SPATA13: variants seen among roughly 807,000 people sequenced by gnomAD.
SPATA13 encodes spermatogenesis-associated protein 13.
Under a neutral mutation model 104.0 loss-of-function variants are expected in SPATA13, and 50 were observed. That is an observed-to-expected ratio of 0.48 (90% CI 0.38 to 0.61). The LOEUF (loss-of-function observed/expected upper bound fraction) is 0.61, where lower values mean the gene tolerates loss of function less well. Among genes scored for constraint, SPATA13 ranks in the 20% least tolerant of loss-of-function variants. The pLI is 0.00. For missense variants in SPATA13, 1,524 were observed against 1,690.6 expected (o/e 0.90, Z 1.73); for synonymous variants, 606 against 667.5 (o/e 0.91, Z 1.42).
At chr13:24,204,454 T>C (rs1318365) in intron 1 of SPATA13, among the ~76,000 whole-genome samples, 142,364 of 152,168 alleles carry the variant, frequency 0.94, 67,394 homozygotes, top group East Asian at 1. Context: ...GTAACATTGA[T>C]GACGACTTTA....
intron 3 of SPATA13, 110 bp from the exon 4 acceptor site, chr13:24,251,608 C>G: frequency 6.6e-7 from 1 of 1,523,824 alleles, no homozygotes; most frequent in Non-Finnish European, 8.8e-7. Flanking sequence ...ATTGGAGAAA[C>G]CATTTCACGT....
chr13:24,273,661 GAT>G (rs1241168157), intron 4 of SPATA13, among the ~76,000 whole-genome samples: 1 of 152,160 alleles, frequency 6.6e-6, no homozygotes, highest in Non-Finnish European at 1.5e-5. Context: ...TAAAGGGACA[GAT>G]ATAAACTTAA....
At chr13:24,231,419 G>A (rs1872267420) in intron 2 of SPATA13, among the ~76,000 whole-genome samples, 1 of 152,208 alleles carries the variant, frequency 6.6e-6, no homozygotes, top group Non-Finnish European at 1.5e-5. Context: ...TGTCCATAGA[G>A]CATGATCAGT....
At chr13:24,254,815 C>T (rs1173641149) in intron 4 of SPATA13, among the ~76,000 whole-genome samples, 1 of 118,082 alleles carries the variant, frequency 8.5e-6, no homozygotes, top group East Asian at 3.4e-4. Flanking sequence ...TTCTTGCTTG[C>T]TTCTTTTTTT....
intron 1 of SPATA13, among the ~76,000 whole-genome samples, chr13:24,184,743 C>T (rs1340494306): frequency 2.0e-5 from 3 of 152,112 alleles, no homozygotes; most frequent in Admixed American, 2.0e-4. Context: ...AATATAAAAT[C>T]GTGTCCACCA....
At position 24,080,322 on chromosome 13, in the gene SPATA13, C is replaced by T. The variant is rs563225750; in HGVS notation, c.-112+62621C>T. Among the ~76,000 whole-genome samples, 3 of 152,336 alleles carry T rather than the reference C, an allele frequency of 2.0e-5. No individual in the cohort carries two copies. The South Asian group carries it at 6.2e-4, about 32-fold the overall frequency. On this transcript the variant is annotated intron_variant, in intron 3 of 14. Transcript: ENST00000424834. The stretch of plus-strand genomic sequence containing the variant: ...ACATCACAGCAAGTGGGAACATTCC[C>T]TGCTATGGAATGAATGGGCTGTGAA...
rs186742732 is a variant in SPATA13, at chr13:24,124,567, T to C, written c.-111-98252T>C. Among the ~76,000 whole-genome samples the C allele has an allele frequency of 6.9e-3, 1,048 of 152,288 alleles. 8 individuals are homozygous for C. The highest frequency in any genetic ancestry group is 0.019 in the African/African-American group (782 of 41,552). ...CTGGTGAGAATGGCAGTCCTGGAGG[T>C]GAATTTAGTCATAGTCCATCAAACA... On this transcript the variant is annotated intron_variant, in intron 3 of 14. Coordinates refer to the SPATA13 transcript ENST00000424834.
intron 3 of SPATA13, among the ~76,000 whole-genome samples, chr13:24,126,290 G>A (rs1566113287): frequency 6.6e-6 from 1 of 152,122 alleles, no homozygotes; most frequent in Non-Finnish European, 1.5e-5. Context: ...TACAGCCTAA[G>A]GCCAATGAAA....
chr13:24,141,831 A>G (rs974507653), intron 3 of SPATA13, among the ~76,000 whole-genome samples: 4 of 151,972 alleles, frequency 2.6e-5, no homozygotes, highest in African/African-American at 9.7e-5. Flanking sequence ...CTTCAAGGGT[A>G]ATAATGTGCT....
At chr13:24,282,708 A>G (rs989080689) in intron 4 of SPATA13, among the ~76,000 whole-genome samples, 17 of 152,064 alleles carry the variant, frequency 1.1e-4, no homozygotes, top group Non-Finnish European at 2.5e-4. Context: ...CCCAGCCCTC[A>G]TCGTGCGGGA....
At chr13:24,097,603 A>G (rs1880123611) in intron 3 of SPATA13, among the ~76,000 whole-genome samples, 1 of 152,228 alleles carries the variant, frequency 6.6e-6, no homozygotes, top group Non-Finnish European at 1.5e-5. Context: ...CGACACTTAC[A>G]GCAAAACTAG....
chr13:24,228,737 G>C (rs1872092329), intron 2 of SPATA13, among the ~76,000 whole-genome samples: 1 of 151,972 alleles, frequency 6.6e-6, no homozygotes, highest in Non-Finnish European at 1.5e-5. Flanking sequence ...TTAACAGTAA[G>C]GTTCTACTTA....
rs180940563 is a variant in SPATA13, at chr13:24,305,512, G to A, written c.*2739G>A. ...TGCCTGAGTTCTTCAAGAATGGAAG[G>A]CTCAAGTATTCTCATCTTCCATTTG... On this transcript the variant is annotated 3_prime_UTR_variant, in exon 13 of 13. Transcript: ENST00000382108. 2 of 152,310 alleles carry A rather than the reference G, an allele frequency of 1.3e-5. No homozygotes were observed. Among genetic ancestry groups the A allele is most frequent in the East Asian group, 3.9e-4 (2 of 5,186 alleles). The allele number at this position is 152,310 out of a possible 1,614,324, so 9.4% of individuals were successfully genotyped here. A position where few individuals can be genotyped will look rare whatever the true frequency, so the allele number is the denominator to read the frequency against.
At chr13:24,049,154 C>G (rs1473098612) in intron 3 of SPATA13, among the ~76,000 whole-genome samples, 1 of 152,176 alleles carries the variant, frequency 6.6e-6, no homozygotes, top group Non-Finnish European at 1.5e-5. Flanking sequence ...TGTTTTATCT[C>G]CTTTGCTGTA....
intron 3 of SPATA13, among the ~76,000 whole-genome samples, chr13:24,094,784 G>A (rs529925836): frequency 5.8e-4 from 89 of 152,158 alleles, no homozygotes; most frequent in Middle Eastern, 3.4e-3. Context: ...AAATTAATAT[G>A]TAAAATATTT....
At chr13:24,302,073 C>T (rs1198273478) in intron 12 of SPATA13, among the ~76,000 whole-genome samples, 3 of 152,160 alleles carry the variant, frequency 2.0e-5, no homozygotes, top group Admixed American at 2.0e-4. Context: ...TATTGCTACT[C>T]ACCTTGACTG....
At chr13:24,196,688 A>G (rs578152723) in intron 1 of SPATA13, among the ~76,000 whole-genome samples, 97 of 152,328 alleles carry the variant, frequency 6.4e-4, no homozygotes, top group African/African-American at 2.2e-3. Context: ...GTGAGCTGTG[A>G]TTATTGCACC....
upstream of SPATA13, among the ~76,000 whole-genome samples, chr13:24,157,839 T>C (rs192728308): frequency 2.0e-3 from 307 of 152,230 alleles, 2 homozygotes; most frequent in African/African-American, 7.1e-3. Context: ...GAGCATGAGA[T>C]CAAATCCTGG....
chr13:24,245,584 CTTTTTTTTTT>C (rs61316306), intron 2 of SPATA13, among the ~76,000 whole-genome samples: 2 of 88,630 alleles, frequency 2.3e-5, no homozygotes, highest in African/African-American at 4.8e-5. Context: ...ACAGTTGTTT[CTTTTTTTTTT>C]TTTTTTTTTT....
Sources: gnomAD v4.1 joint callset for allele counts (sites outside exome capture counted in the v4.1 genomes callset) on GRCh38, gnomAD v4.1.1 for gene constraint, MANE v1.5 for transcripts, NCBI Gene and HGNC (gene_info 2026-07-23, HGNC 2026-07-21) for gene names.